Variants in SLC8A1 observed in about 807,000 individuals in gnomAD.
The protein encoded by SLC8A1 is solute carrier family 8 member A1.
SLC8A1 carries 18 observed loss-of-function variants against 68.3 expected under a neutral mutation model. The ratio of observed to expected loss-of-function variants is 0.26; its 90% CI spans 0.18 to 0.39. The LOEUF (loss-of-function observed/expected upper bound fraction) is 0.39, where lower values mean the gene tolerates loss of function less well. SLC8A1 is among the 10% of genes least tolerant of loss of function. SLC8A1 has a pLI of 1.00. For synonymous variants in SLC8A1, 475 were observed against 415.5 expected, an observed-to-expected ratio of 1.14 and a Z score of -1.74; for missense variants, 985 against 1,156.7, an observed-to-expected ratio of 0.85 and a Z score of 2.15.
At chr2:40,511,869 A>G (rs1706749355) in intron 1 of SLC8A1, among the ~76,000 whole-genome samples, 1 of 152,162 alleles carries the variant, frequency 6.6e-6, no homozygotes, top group Non-Finnish European at 1.5e-5. Context: ...TTCAGCTGCC[A>G]AAAATAATGT....
chr2:40,107,326 G>A (rs569425600), exon 8 of SLC8A1: 3 of 146,174 alleles, frequency 2.1e-5, no homozygotes, highest in African/African-American at 7.5e-5. Flanking sequence ...AACAGGCATG[G>A]GAACCTGCCT....
chr2:40,443,659 G>A (rs1218841604), intron 1 of SLC8A1, among the ~76,000 whole-genome samples: 1 of 152,178 alleles, frequency 6.6e-6, no homozygotes, highest in African/African-American at 2.4e-5. Flanking sequence ...GGTCAATGTG[G>A]TAGATGGAAG....
At chr2:40,338,165 G>C (rs1200788619) in intron 2 of SLC8A1, among the ~76,000 whole-genome samples, 3 of 152,008 alleles carry the variant, frequency 2.0e-5, no homozygotes, top group Non-Finnish European at 2.9e-5. Context: ...TCAGCCAGTA[G>C]ATAATCGTAG....
intron 2 of SLC8A1, among the ~76,000 whole-genome samples, chr2:40,253,735 G>T (rs533703630): frequency 6.7e-6 from 1 of 150,352 alleles, no homozygotes; most frequent in Non-Finnish European, 1.5e-5. Flanking sequence ...GCTGAGGCAG[G>T]AGAATCACTT....
intron 4 of SLC8A1, among the ~76,000 whole-genome samples, chr2:40,173,123 A>C (rs543027416): frequency 6.6e-6 from 1 of 152,308 alleles, no homozygotes; most frequent in Non-Finnish European, 1.5e-5. Context: ...TGGTTGACTT[A>C]AAAACATTAT....
At chr2:40,478,789 T>C (rs1224106817) in intron 1 of SLC8A1, among the ~76,000 whole-genome samples, 1 of 151,772 alleles carries the variant, frequency 6.6e-6, no homozygotes, top group Non-Finnish European at 1.5e-5. Context: ...TTTTTTTTTT[T>C]AGACAGAGTT....
chr2:40,469,785 T>C (rs1559753076), intron 1 of SLC8A1, among the ~76,000 whole-genome samples: 1 of 152,096 alleles, frequency 6.6e-6, no homozygotes, highest in Non-Finnish European at 1.5e-5. Context: ...ATCTTTTATT[T>C]TGTCATATCA....
chr2:40,115,315 G>A, exon 8 of SLC8A1: 2 of 1,614,168 alleles, frequency 1.2e-6, no homozygotes, highest in South Asian at 2.2e-5. Flanking sequence ...AAGAGCCATA[G>A]GAGCACAAAG....
At chr2:40,168,515 A>G (rs1308493576) in intron 4 of SLC8A1, among the ~76,000 whole-genome samples, 1 of 152,228 alleles carries the variant, frequency 6.6e-6, no homozygotes, top group Non-Finnish European at 1.5e-5. Flanking sequence ...CTCTACAGTT[A>G]TACTGATAAA....
chr2:40,509,276 G>C (rs573457323), intron 1 of SLC8A1, among the ~76,000 whole-genome samples: 1 of 152,124 alleles, frequency 6.6e-6, no homozygotes, highest in East Asian at 1.9e-4. Flanking sequence ...ATTGAAGGTG[G>C]AGAAATCCTA....
At chr2:40,359,308 T>A (rs7608925) in intron 2 of SLC8A1, among the ~76,000 whole-genome samples, 33,715 of 152,128 alleles carry the variant, frequency 0.22, 6,290 homozygotes, top group African/African-American at 0.52. Flanking sequence ...TTAAAATTAA[T>A]TTCACCTATT....
chr2:40,351,044 T>C (rs187067289), intron 2 of SLC8A1, among the ~76,000 whole-genome samples: 29 of 152,282 alleles, frequency 1.9e-4, no homozygotes, highest in Non-Finnish European at 3.2e-4. Context: ...TAAATTATTA[T>C]TCTAAGTAAT....
intron 2 of SLC8A1, among the ~76,000 whole-genome samples, chr2:40,181,478 A>C (rs1205864438): frequency 6.6e-6 from 1 of 152,242 alleles, no homozygotes; most frequent in East Asian, 1.9e-4. Flanking sequence ...GGTGCCTGGC[A>C]AAGACATCTA....
chr2:40,384,352 A>G (rs1682890962), intron 2 of SLC8A1, among the ~76,000 whole-genome samples: 1 of 152,140 alleles, frequency 6.6e-6, no homozygotes, highest in South Asian at 2.1e-4. Flanking sequence ...TCTGTATGTT[A>G]TTGAGCACAG....
At chr2:40,373,302 A>G (rs1460899753) in intron 2 of SLC8A1, among the ~76,000 whole-genome samples, 1 of 152,064 alleles carries the variant, frequency 6.6e-6, no homozygotes, top group Non-Finnish European at 1.5e-5. Context: ...CCTACTTTCC[A>G]CCCACAGGTC....
At chr2:40,151,910 C>A (rs2043511502) in intron 6 of SLC8A1, among the ~76,000 whole-genome samples, 1 of 152,138 alleles carries the variant, frequency 6.6e-6, no homozygotes, top group Admixed American at 6.5e-5. Flanking sequence ...ATAAGTTAAA[C>A]TCCAATGAGG....
chr2:40,385,802 G>A (rs907202928), intron 2 of SLC8A1, among the ~76,000 whole-genome samples: 1 of 151,188 alleles, frequency 6.6e-6, no homozygotes, highest in Non-Finnish European at 1.5e-5. Flanking sequence ...TGTAAAATAT[G>A]TAATGACAAT....
At chr2:40,435,113 G>C (rs1478377858) in intron 1 of SLC8A1, among the ~76,000 whole-genome samples, 3 of 152,128 alleles carry the variant, frequency 2.0e-5, no homozygotes, top group Admixed American at 1.3e-4. Flanking sequence ...GCATCCTCTT[G>C]ATTGGCAGCT....
chr2:40,112,769 G>A (rs1178241357), exon 8 of SLC8A1: 1 of 152,422 alleles, frequency 6.6e-6, no homozygotes, highest in Non-Finnish European at 1.5e-5. Flanking sequence ...GGGATACACT[G>A]GGCTTTCTCA....
Sources: gnomAD v4.1 joint callset for allele counts (sites outside exome capture counted in the v4.1 genomes callset) on GRCh38, gnomAD v4.1.1 for gene constraint, MANE v1.5 for transcripts, NCBI Gene and HGNC (gene_info 2026-07-23, HGNC 2026-07-21) for gene names.